The following VWA3A variants were observed in gnomAD, a reference collection of about 807,000 sequenced individuals.
The protein encoded by VWA3A is von Willebrand factor A domain containing 3A.
In VWA3A, 134 loss-of-function variants were observed where a neutral mutation model predicts 160.4. The ratio of observed to expected loss-of-function variants is 0.84; its 90% CI spans 0.73 to 0.96. The LOEUF (loss-of-function observed/expected upper bound fraction) is 0.96, where lower values mean the gene tolerates loss of function less well. Among genes scored for constraint, VWA3A ranks in the 40% least tolerant of loss-of-function variants. The probability of loss-of-function intolerance (pLI) is 0.00; values close to 1 mark genes in which losing one functional copy is unlikely to be tolerated. For synonymous variants in VWA3A, 476 were observed against 543.4 expected, an observed-to-expected ratio of 0.88 and a Z score of 1.72; for missense variants, 1,310 against 1,447.9, an observed-to-expected ratio of 0.90 and a Z score of 1.55.
At chr16:22,147,692 T>C (rs535610774) in intron 27 of VWA3A, 3 of 701,728 alleles carry the variant, frequency 4.3e-6, no homozygotes, top group Non-Finnish European at 7.8e-6. Context: ...GGCGTGAGCC[T>C]CTCTCCACCC....
At position 22,097,708 on chromosome 16, in the gene VWA3A, G is replaced by A. The variant is rs1160832195; in HGVS notation, c.225+13G>A. On this transcript the variant is annotated intron_variant, in intron 3 of 33. Transcript: ENST00000389398. ...ACAGGACTTACTGGTAAAGACCATG[G>A]CACTTTAACTGGGTCGTGATACTAC... 5.2e-6 allele frequency: 8 copies of A among 1,551,110 alleles called. No homozygotes were observed. The highest frequency in any genetic ancestry group is 2.7e-5 in the African/African-American group (2 of 73,032).
In VWA3A at chr16:22,126,205, G is replaced by A. The variant is rs772703322; in HGVS notation, c.1560G>A (p.Ala520=). 21 of 1,613,848 alleles carry A rather than the reference G, an allele frequency of 1.3e-5. No homozygotes were observed. The highest frequency in any genetic ancestry group is 1.4e-5 in the Non-Finnish European group (17 of 1,179,860). Residue 520 remains alanine, a synonymous_variant, in exon 17 of 34, where the codon GCG becomes GCA. Transcript: ENST00000389398. Reference sequence around the variant, plus strand: ...TGGTTGTACTGCTCGATATCTCTGCGACCAATTCCATGTACATTATTCATA... The same window carrying A: ...TGGTTGTACTGCTCGATATCTCTGCAACCAATTCCATGTACATTATTCATA... ...KRVVVLLDIS[A]TNSMYIIHIQ...
intron 30 of VWA3A, 92 bp downstream of exon 30, chr16:22,150,938 C>T (rs192385551): frequency 8.5e-6 from 12 of 1,419,026 alleles, no homozygotes; most frequent in Middle Eastern, 1.8e-4. Flanking sequence ...AATCTAGCTG[C>T]TCACTTAGAC....
intron 29 of VWA3A, 127 bp from the exon 30 acceptor site, chr16:22,150,568 A>C: frequency 8.9e-7 from 1 of 1,119,530 alleles, no homozygotes; most frequent in East Asian, 2.6e-5. Flanking sequence ...CTTTTTGAAC[A>C]GGTCAGTGGC....
chr16:22,148,129 C>T (rs2142017174), intron 27 of VWA3A, 33 bp from the exon 28 acceptor site: 1 of 1,567,244 alleles, frequency 6.4e-7, no homozygotes, highest in East Asian at 2.3e-5. Flanking sequence ...CCCTCACTCC[C>T]TCCCTGCCTC....
chr16:22,138,653 C>T (rs2046088467), intron 22 of VWA3A, 141 bp downstream of exon 22: 2 of 1,128,990 alleles, frequency 1.8e-6, no homozygotes, highest in East Asian at 5.3e-5. Flanking sequence ...TGCCTCTTGC[C>T]CAGGCCTCCA....
chr16:22,117,333 G>T (rs529175983), intron 11 of VWA3A, among the ~76,000 whole-genome samples, 157 bp downstream of exon 11: 1 of 152,310 alleles, frequency 6.6e-6, no homozygotes, highest in South Asian at 2.1e-4. Context: ...GGTAAAATCA[G>T]GTTAGAATGA....
chr16:22,153,381 A>G (rs993458112), intron 31 of VWA3A, among the ~76,000 whole-genome samples: 1 of 152,146 alleles, frequency 6.6e-6, no homozygotes, highest in African/African-American at 2.4e-5. Context: ...TAGTCAGAGG[A>G]AGTGGTATAG....
chr16:22,148,958 T>C (rs1052568837), intron 28 of VWA3A, among the ~76,000 whole-genome samples: 7 of 152,158 alleles, frequency 4.6e-5, no homozygotes, highest in African/African-American at 1.7e-4. Flanking sequence ...AAGTTGTTTA[T>C]TTTCCCCATC....
chr16:22,137,406 T>C (rs1042909136), intron 21 of VWA3A, among the ~76,000 whole-genome samples: 1 of 152,138 alleles, frequency 6.6e-6, no homozygotes, highest in East Asian at 1.9e-4. Context: ...GGCCACAGTG[T>C]CTCATAATGG....
intron 30 of VWA3A, among the ~76,000 whole-genome samples, chr16:22,151,860 G>A (rs973990307): frequency 6.6e-6 from 1 of 152,128 alleles, no homozygotes; most frequent in East Asian, 1.9e-4. Flanking sequence ...AGTGTAATAT[G>A]TGTGTCCTTT....
At chr16:22,127,090 C>T (rs1209972967) in intron 17 of VWA3A, among the ~76,000 whole-genome samples, 2 of 150,156 alleles carry the variant, frequency 1.3e-5, no homozygotes, top group Non-Finnish European at 3.0e-5. Flanking sequence ...ACATATCTAG[C>T]ATTTTTAATT....
chr16:22,137,533 T>G (rs1286492642), intron 21 of VWA3A, among the ~76,000 whole-genome samples: 1 of 152,226 alleles, frequency 6.6e-6, no homozygotes, highest in Non-Finnish European at 1.5e-5. Flanking sequence ...GTAATAGATC[T>G]GTGGCCAGAT....
chr16:22,115,968 G>C (rs2045633692), intron 9 of VWA3A, among the ~76,000 whole-genome samples: 1 of 88,592 alleles, frequency 1.1e-5, no homozygotes, highest in African/African-American at 5.2e-5. Flanking sequence ...GGGAGGGAGG[G>C]AGGGAGAGAG....
At position 22,142,734 on chromosome 16, in the gene VWA3A, C is replaced by T. The variant is rs771167416; in HGVS notation, c.2561C>T (p.Pro854Leu). 9 of 1,574,406 alleles carry T rather than the reference C, an allele frequency of 5.7e-6. No individual in the cohort carries two copies. In the Admixed American group the frequency reaches 1.5e-4, roughly 26 times the overall value. ...LRRTSSSIDLPRKDTVCSSQE... is the reference protein window; with the variant it reads ...LRRTSSSIDLLRKDTVCSSQE... Reference sequence around the variant, plus strand: ...AGGACTAGCTCTTCTATTGACTTACCCAGAAAGGATACAGTTTGCTCAAGC... The same window carrying T: ...AGGACTAGCTCTTCTATTGACTTACTCAGAAAGGATACAGTTTGCTCAAGC... Residue 854 changes from proline to leucine, a missense_variant, in exon 25 of 34, where the codon CCC becomes CTC. By Grantham distance (98) the Pro-to-Leu change is moderately conservative. Coordinates refer to ENST00000389398, the MANE Select transcript of VWA3A (RefSeq NM_173615.5).
chr16:22,123,410 A>G, intron 15 of VWA3A: 1 of 1,498,506 alleles, frequency 6.7e-7, no homozygotes, highest in South Asian at 1.2e-5. Context: ...TCCCCATTTG[A>G]TGCAATGAAA....
intron 6 of VWA3A, 144 bp from the exon 7 acceptor site, chr16:22,109,338 T>C: frequency 1.5e-6 from 1 of 675,894 alleles, no homozygotes; most frequent in Non-Finnish European, 2.6e-6. Flanking sequence ...GGTTTTGCTT[T>C]TCCCTTATAA....
Position 22,123,063 on chromosome 16 carries a change from TCCTGCCCATG to T in VWA3A, c.1357-17_1357-8del, listed in dbSNP as rs1368920324. 2 of 1,580,986 alleles carry T rather than the reference TCCTGCCCATG, an allele frequency of 1.3e-6. No homozygotes were observed. Among genetic ancestry groups the T allele is most frequent in the Non-Finnish European group, 1.7e-6 (2 of 1,161,890 alleles). ...TGTACTTCTGTTCGCCTGCTCACCC[TCCTGCCCATG>T]CCTGAGTATAGAAGGCAATGATACA... On this transcript the variant is annotated splice_polypyrimidine_tract_variant and intron_variant, in intron 14 of 33. Transcript: ENST00000389398.
intron 16 of VWA3A, among the ~76,000 whole-genome samples, chr16:22,124,150 A>C (rs6497570): frequency 0.51 from 72,575 of 142,700 alleles, 22,716 homozygotes; most frequent in African/African-American, 0.87. Context: ...CACTGTACTC[A>C]AGCGTGGGCA....
Sources: allele counts gnomAD v4.1 joint callset (sites outside exome capture counted in the v4.1 genomes callset), GRCh38; gene constraint gnomAD v4.1.1; transcripts MANE v1.5; gene names NCBI Gene and HGNC (gene_info 2026-07-23, HGNC 2026-07-21).